The following TRPM3 variants were observed in gnomAD, a reference collection of about 807,000 sequenced individuals.
TRPM3 encodes the protein long transient receptor potential channel 3.
A neutral mutation model predicts 181.2 loss-of-function variants in TRPM3; 77 were observed. That is an observed-to-expected ratio of 0.42 (90% CI 0.35 to 0.51). TRPM3 has a LOEUF of 0.51. Ranked by LOEUF, TRPM3 falls within the 20% of genes least tolerant of loss-of-function variation. The probability of loss-of-function intolerance (pLI) is 0.01; values close to 1 mark genes in which losing one functional copy is unlikely to be tolerated. For missense variants in TRPM3, 1,759 were observed against 2,196.7 expected (o/e 0.80, Z 3.98); for synonymous variants, 745 against 796.4 (o/e 0.94, Z 1.09).
At chr9:71,413,496 C>T (rs2093592411) in intron 1 of TRPM3, among the ~76,000 whole-genome samples, 1 of 151,984 alleles carries the variant, frequency 6.6e-6, no homozygotes, top group Non-Finnish European at 1.5e-5. Context: ...CAAAACTATA[C>T]CTTTAACAAG....
At chr9:70,603,678 T>C (rs17055376) in intron 19 of TRPM3, among the ~76,000 whole-genome samples, 2,441 of 152,358 alleles carry the variant, frequency 0.016, 68 homozygotes, top group African/African-American at 0.053. Flanking sequence ...CCTTTTGACC[T>C]GTACATGTAT....
chr9:71,273,123 G>T (rs1363206766), intron 1 of TRPM3, among the ~76,000 whole-genome samples: 1 of 152,120 alleles, frequency 6.6e-6, no homozygotes. Context: ...TGACCTGCCT[G>T]CCTTGGCCAC....
intron 12 of TRPM3, among the ~76,000 whole-genome samples, chr9:70,628,798 G>A (rs1160035262): frequency 2.5e-5 from 3 of 121,892 alleles, no homozygotes; most frequent in Non-Finnish European, 3.2e-5. Flanking sequence ...CCATCTGGGC[G>A]ACAGAGCAAG....
At position 70,667,108 on chromosome 9, in the gene TRPM3, A is replaced by ATC. The variant is rs147232927; in HGVS notation, c.1345+14396_1345+14397dup. Among the ~76,000 whole-genome samples the ATC allele has an allele frequency of 6.0e-5, 9 of 150,934 alleles. No individual in the cohort carries two copies. The South Asian group carries it at 8.4e-4, about 14-fold the overall frequency. ...TGCTCCACACTGCATCTCGCTGTTT[A>ATC]TCTCTCTCTCTCTCTTCTGTGTTAG... is the stretch of plus-strand genomic sequence containing the variant. On this transcript the variant is annotated intron_variant, in intron 9 of 25. Transcript: ENST00000677713.
intron 9 of TRPM3, among the ~76,000 whole-genome samples, chr9:70,647,655 T>A (rs1056538606): frequency 3.9e-5 from 6 of 152,278 alleles, no homozygotes; most frequent in South Asian, 2.1e-4. Flanking sequence ...CCACTCTCAC[T>A]ACTTCTATTC....
intron 1 of TRPM3, among the ~76,000 whole-genome samples, chr9:71,132,982 ATC>A (rs959079507): frequency 2.4e-4 from 37 of 152,120 alleles, no homozygotes; most frequent in African/African-American, 4.8e-5. Context: ...TTTTGTGCAC[ATC>A]TCTGATTATT....
At chr9:70,909,993 T>G (rs964262646) in intron 1 of TRPM3, among the ~76,000 whole-genome samples, 4 of 152,200 alleles carry the variant, frequency 2.6e-5, no homozygotes, top group African/African-American at 9.6e-5. Flanking sequence ...TTGATAAGAC[T>G]ACTTGGAATT....
At chr9:70,667,279 A>C (rs1306101210) in intron 9 of TRPM3, among the ~76,000 whole-genome samples, 1 of 152,026 alleles carries the variant, frequency 6.6e-6, no homozygotes, top group East Asian at 1.9e-4. Context: ...TGGGCTTCTT[A>C]TCTGGGAAAT....
chr9:71,177,580 C>T (rs1028719485), intron 1 of TRPM3, among the ~76,000 whole-genome samples: 2 of 152,106 alleles, frequency 1.3e-5, no homozygotes, highest in Non-Finnish European at 2.9e-5. Flanking sequence ...ACATTAAAGA[C>T]CTAAGTTTTC....
intron 1 of TRPM3, among the ~76,000 whole-genome samples, chr9:71,134,014 T>C (rs10868955): frequency 0.59 from 83,009 of 139,844 alleles, 23,422 homozygotes; most frequent in African/African-American, 0.71. Context: ...TGTGTGTGTG[T>C]GCGCGTGCGC....
chr9:70,872,878 C>A (rs980190620), intron 1 of TRPM3, among the ~76,000 whole-genome samples: 4 of 151,890 alleles, frequency 2.6e-5, no homozygotes, highest in African/African-American at 9.7e-5. Flanking sequence ...GGTTGACCAG[C>A]ATTTCCTAAA....
chr9:71,030,520 A>C (rs1483150940), intron 1 of TRPM3, among the ~76,000 whole-genome samples: 1 of 151,748 alleles, frequency 6.6e-6, no homozygotes, highest in Non-Finnish European at 1.5e-5. Context: ...AGCCAAGATC[A>C]TGCCATTGCA....
At position 70,625,289 on chromosome 9, in the gene TRPM3, C is replaced by T. The variant is rs2133282742; in HGVS notation, c.1711G>A (p.Gly571Ser). 1 of 1,614,060 alleles carries T rather than the reference C, an allele frequency of 6.2e-7. No homozygotes were observed. The highest frequency in any genetic ancestry group is 8.5e-7 in the Non-Finnish European group (1 of 1,180,032). ...CCCATCAGGTACTCGATCACCAGGC[C>T]GATGTCAATCAGGCTGATTCTGTAG... ...PDYRISLIDI[G>S]LVIEYLMGGA... The change falls in exon 14 of 26, where the codon GGC (glycine) becomes AGC (serine). Residue 571 changes from glycine (G) to serine (S), a missense_variant. Transcript: ENST00000677713. This position sits in a 1 kb window ranked among gnomAD's most constrained non-coding sequence, Gnocchi z 4.8.
chr9:70,953,249 G>A (rs530761135), intron 1 of TRPM3, among the ~76,000 whole-genome samples: 4 of 152,270 alleles, frequency 2.6e-5, no homozygotes, highest in African/African-American at 4.8e-5. Context: ...TTTTTCCACA[G>A]TTACTTAACC....
At chr9:71,189,045 T>C (rs998167056) in intron 1 of TRPM3, among the ~76,000 whole-genome samples, 9 of 151,912 alleles carry the variant, frequency 5.9e-5, no homozygotes, top group Admixed American at 4.6e-4. Context: ...ATTTTGAGAC[T>C]GGTCATCAAT....
chr9:71,219,058 A>G (rs183341918), intron 1 of TRPM3, among the ~76,000 whole-genome samples: 9 of 152,358 alleles, frequency 5.9e-5, no homozygotes, highest in African/African-American at 1.7e-4. Flanking sequence ...AATGAGAAAC[A>G]TATCAACCGG....
intron 1 of TRPM3, among the ~76,000 whole-genome samples, chr9:71,258,826 T>C (rs1180273191): frequency 1.3e-5 from 2 of 152,202 alleles, no homozygotes; most frequent in Non-Finnish European, 1.5e-5. Flanking sequence ...TTAAAAGTTA[T>C]AGACTACTAA....
chr9:70,697,485 T>C (rs1163268229), intron 8 of TRPM3, among the ~76,000 whole-genome samples: 2 of 152,234 alleles, frequency 1.3e-5, no homozygotes, highest in Non-Finnish European at 2.9e-5. Flanking sequence ...GTTGAGTTTA[T>C]TCTCATTATT....
intron 10 of TRPM3, among the ~76,000 whole-genome samples, chr9:70,639,944 C>T (rs542872234): frequency 4.6e-5 from 7 of 152,252 alleles, no homozygotes; most frequent in East Asian, 1.9e-4. Context: ...GCACAGAAAC[C>T]GAGTTTCAGG....
Sources: gnomAD v4.1 joint callset for allele counts (sites outside exome capture counted in the v4.1 genomes callset) on GRCh38, gnomAD v4.1.1 for gene constraint, Gnocchi (gnomAD v3.1) non-coding constraint, MANE v1.5 for transcripts, NCBI Gene and HGNC (gene_info 2026-07-23, HGNC 2026-07-21) for gene names.